The following AUTS2 variants were observed in gnomAD, a reference collection of about 807,000 sequenced individuals.
AUTS2 encodes activator of transcription and developmental regulator AUTS2, also known as autism susceptibility gene 2 protein.
Under a neutral mutation model 112.4 loss-of-function variants are expected in AUTS2, and 17 were observed. The observed-to-expected ratio is 0.15, with a 90% CI of 0.10 to 0.23. The LOEUF (loss-of-function observed/expected upper bound fraction) is 0.23, where lower values mean the gene tolerates loss of function less well. Ranked by LOEUF, AUTS2 falls within the 10% of genes least tolerant of loss-of-function variation. AUTS2 has a pLI of 1.00. For missense variants in AUTS2, 1,510 were observed against 1,701.6 expected (o/e 0.89, Z 1.98); for synonymous variants, 751 against 702.7 (o/e 1.07, Z -1.09).
intron 5 of AUTS2, among the ~76,000 whole-genome samples, chr7:70,554,365 G>A (rs569893796): frequency 2.4e-4 from 36 of 150,540 alleles, no homozygotes; most frequent in African/African-American, 7.6e-4. Flanking sequence ...CACTGTGCCC[G>A]GCCTCTTTTT....
Position 70,790,590 on chromosome 7 carries a change from GCCACCACCA to G in AUTS2, c.3392_3400del (p.His1131_His1133del), listed in dbSNP as rs538005366. ...AGGGACCGGGAGCCTCACGACTACA[GCCACCACCA>G]CCACCACCACCACCACCCGCTGTCT... On this transcript the variant is annotated inframe_deletion, in exon 19 of 19. Transcript: ENST00000342771. This position sits in a 1 kb window ranked among gnomAD's most constrained non-coding sequence, Gnocchi z 7.6. 454 of 1,600,840 alleles carry G rather than the reference GCCACCACCA, an allele frequency of 2.8e-4. No individual in the cohort carries two copies. The highest frequency in any genetic ancestry group is 8.3e-4 in the Middle Eastern group (5 of 6,042).
At chr7:70,153,019 TA>T (rs949018826) in intron 4 of AUTS2, among the ~76,000 whole-genome samples, 1 of 152,160 alleles carries the variant, frequency 6.6e-6, no homozygotes, top group Non-Finnish European at 1.5e-5. Flanking sequence ...GATAATTTAT[TA>T]AAATGTTATA....
At chr7:69,770,721 A>G (rs993542986) in intron 1 of AUTS2, among the ~76,000 whole-genome samples, 1 of 152,190 alleles carries the variant, frequency 6.6e-6, no homozygotes, top group African/African-American at 2.4e-5. Context: ...AGAGGACAAC[A>G]GAAGGCTGAC....
At chr7:70,245,230 G>GT (rs1199465599) in intron 4 of AUTS2, among the ~76,000 whole-genome samples, 1 of 150,730 alleles carries the variant, frequency 6.6e-6, no homozygotes, top group Non-Finnish European at 1.5e-5. Flanking sequence ...AAGTATTGCA[G>GT]TTTTTTAAAG....
At chr7:70,107,785 A>G (rs978475565) in intron 2 of AUTS2, among the ~76,000 whole-genome samples, 2 of 150,768 alleles carry the variant, frequency 1.3e-5, no homozygotes, top group East Asian at 2.0e-4. Flanking sequence ...AGGCCGAGGC[A>G]GGCAGATCAC....
At chr7:70,621,145 C>G (rs1409082733) in intron 5 of AUTS2, among the ~76,000 whole-genome samples, 2 of 152,260 alleles carry the variant, frequency 1.3e-5, no homozygotes, top group Non-Finnish European at 2.9e-5. Flanking sequence ...TTCCCCTTCC[C>G]TGATGCTCAT....
At chr7:69,793,501 G>C (rs934154493) in intron 1 of AUTS2, among the ~76,000 whole-genome samples, 1 of 152,122 alleles carries the variant, frequency 6.6e-6, no homozygotes, top group Non-Finnish European at 1.5e-5. Context: ...TGACATGATC[G>C]TGTCTTTGAA....
chr7:70,620,170 AC>A (rs1230399130), intron 5 of AUTS2, among the ~76,000 whole-genome samples: 1 of 152,076 alleles, frequency 6.6e-6, no homozygotes. Context: ...GCACTGGTAC[AC>A]CTCAATTTAT....
intron 1 of AUTS2, among the ~76,000 whole-genome samples, chr7:69,842,383 GTGT>G (rs1279045755): frequency 2.6e-5 from 4 of 152,174 alleles, no homozygotes; most frequent in Non-Finnish European, 2.9e-5. Context: ...AGGACATTGT[GTGT>G]TGACGCTTTT....
At chr7:69,931,055 T>C (rs938620772) in intron 2 of AUTS2, among the ~76,000 whole-genome samples, 2 of 152,156 alleles carry the variant, frequency 1.3e-5, no homozygotes, top group Non-Finnish European at 2.9e-5. Context: ...AATGTATCTT[T>C]AGGGAGGTTT....
rs375728082 is a variant in AUTS2, at chr7:69,777,397, T to G, written c.310-121889T>G. ...TCTTCTAAAAGACATTTGTATACTT[T>G]ATAATTCAGAGAAAATTCTTTGGTT... On this transcript the variant is annotated intron_variant, in intron 1 of 18. Coordinates refer to ENST00000342771, the MANE Select transcript of AUTS2 (RefSeq NM_015570.4). Among the ~76,000 whole-genome samples the G allele has an allele frequency of 3.9e-5, 6 of 152,352 alleles. No homozygotes were observed. In the East Asian group the frequency reaches 1.2e-3, roughly 29 times the overall value.
chr7:69,623,302 A>G (rs983342964), intron 1 of AUTS2, among the ~76,000 whole-genome samples: 2 of 151,590 alleles, frequency 1.3e-5, no homozygotes, highest in African/African-American at 4.9e-5. Context: ...GACTCACTGC[A>G]GTCTCAAACT....
intron 1 of AUTS2, among the ~76,000 whole-genome samples, chr7:69,630,798 A>C: frequency 6.6e-6 from 1 of 152,232 alleles, no homozygotes; most frequent in East Asian, 1.9e-4. Flanking sequence ...CTACTGAATC[A>C]GTCTCTTGGA....
chr7:70,792,524 T>C lies in AUTS2; in HGVS notation c.*1528T>C, dbSNP rs938389560. The C allele has an allele frequency of 6.6e-6, 1 of 151,524 alleles. No homozygotes were observed. The highest frequency in any genetic ancestry group is 1.5e-5 in the Non-Finnish European group (1 of 67,832). The allele number at this position is 151,524 out of a possible 1,614,324, so 9.4% of individuals were successfully genotyped here. On this transcript the variant is annotated 3_prime_UTR_variant, in exon 19 of 19. Transcript: ENST00000342771. ...AAAAAAAAAGTTAACTACAGACCAT[T>C]GTTTCTAATAAGCAGAGAGATCTAT...
At chr7:70,137,082 T>G (rs1806605141) in intron 4 of AUTS2, among the ~76,000 whole-genome samples, 2 of 152,336 alleles carry the variant, frequency 1.3e-5, no homozygotes, top group Non-Finnish European at 1.5e-5. Flanking sequence ...TTTGATCTGG[T>G]TGTATTTGTT....
chr7:70,607,912 A>G (rs1170085105), intron 5 of AUTS2, among the ~76,000 whole-genome samples: 1 of 152,200 alleles, frequency 6.6e-6, no homozygotes, highest in Admixed American at 6.5e-5. Context: ...CACATGTGGA[A>G]TGTTGGTGGT....
At chr7:70,489,619 T>G (rs1798158271) in intron 5 of AUTS2, among the ~76,000 whole-genome samples, 1 of 152,216 alleles carries the variant, frequency 6.6e-6, no homozygotes, top group Admixed American at 6.5e-5. Context: ...TAACAAAGCA[T>G]TTAGAAAATG....
chr7:70,654,080 T>C (rs751410937), intron 5 of AUTS2, among the ~76,000 whole-genome samples: 9 of 152,212 alleles, frequency 5.9e-5, no homozygotes, highest in Non-Finnish European at 1.0e-4. Context: ...ATCCACAGCC[T>C]ATCTTTTCTG....
chr7:70,537,262 G>A (rs1217120880), intron 5 of AUTS2, among the ~76,000 whole-genome samples: 1 of 152,176 alleles, frequency 6.6e-6, no homozygotes, highest in East Asian at 1.9e-4. Context: ...AAAAGCAGGT[G>A]ACCTTCTGTA....
Sources: gnomAD v4.1 joint callset for allele counts (sites outside exome capture counted in the v4.1 genomes callset) on GRCh38, gnomAD v4.1.1 for gene constraint, Gnocchi (gnomAD v3.1) non-coding constraint, MANE v1.5 for transcripts, NCBI Gene and HGNC (gene_info 2026-07-23, HGNC 2026-07-21) for gene names.